Variants in CALN1 observed in about 807,000 individuals in gnomAD.
CALN1 encodes calcium-binding protein 8.
CALN1 carries 17 observed loss-of-function variants against 30.6 expected under a neutral mutation model. That is an observed-to-expected ratio of 0.56 (90% CI 0.38 to 0.83). The LOEUF is 0.83. Ranked by LOEUF, CALN1 falls within the 40% of genes least tolerant of loss-of-function variation. The pLI is 0.00. For missense variants in CALN1, 291 were observed against 354.9 expected (o/e 0.82, Z 1.45); for synonymous variants, 156 against 131.4 (o/e 1.19, Z -1.28).
At chr7:71,993,684 T>C (rs1799083959) in intron 5 of CALN1, among the ~76,000 whole-genome samples, 1 of 152,142 alleles carries the variant, frequency 6.6e-6, no homozygotes, top group African/African-American at 2.4e-5. Context: ...CTCGAACTCC[T>C]GGGCTCAAGT....
At chr7:72,101,208 C>T (rs1051992574) in intron 4 of CALN1, among the ~76,000 whole-genome samples, 3 of 152,074 alleles carry the variant, frequency 2.0e-5, no homozygotes, top group Non-Finnish European at 4.4e-5. Context: ...TCAGATGATC[C>T]GCCTGCCTCG....
At chr7:72,290,386 T>G (rs1189189919) in intron 2 of CALN1, among the ~76,000 whole-genome samples, 1 of 152,174 alleles carries the variant, frequency 6.6e-6, no homozygotes, top group African/African-American at 2.4e-5. Context: ...ATCACAGCTC[T>G]AGGGGACCAT....
intron 5 of CALN1, among the ~76,000 whole-genome samples, chr7:72,000,948 T>C (rs1223277271): frequency 2.0e-5 from 3 of 152,134 alleles, no homozygotes; most frequent in African/African-American, 7.2e-5. Flanking sequence ...GTTGTTAAGT[T>C]GTCTCTCTAA....
chr7:71,931,374 T>C (rs1418899863), intron 5 of CALN1, among the ~76,000 whole-genome samples: 1 of 152,160 alleles, frequency 6.6e-6, no homozygotes, highest in African/African-American at 2.4e-5. Context: ...CAAGTGATTC[T>C]CTTTGCCTCA....
the CALN1 span, among the ~76,000 whole-genome samples, chr7:72,452,737 T>A: frequency 6.6e-6 from 1 of 152,158 alleles, no homozygotes; most frequent in African/African-American, 2.4e-5. Context: ...GATAAGCTTA[T>A]CAGAATAGAA....
At chr7:71,900,365 A>C (rs1335647520) in intron 5 of CALN1, among the ~76,000 whole-genome samples, 3 of 152,222 alleles carry the variant, frequency 2.0e-5, no homozygotes, top group Admixed American at 6.5e-5. Flanking sequence ...GACAAAGTCA[A>C]ATTATCTCTG....
intron 3 of CALN1, among the ~76,000 whole-genome samples, chr7:72,212,264 G>C (rs1014289060): frequency 1.3e-5 from 2 of 149,814 alleles, no homozygotes; most frequent in African/African-American, 2.5e-5. Flanking sequence ...CAGGGGAATT[G>C]CCTGAACCCA....
intron 2 of CALN1, among the ~76,000 whole-genome samples, chr7:72,332,423 GT>G (rs1247045121): frequency 6.6e-6 from 1 of 152,072 alleles, no homozygotes; most frequent in Non-Finnish European, 1.5e-5. Context: ...CATGGCACAT[GT>G]GTGGGTGTGT....
At chr7:72,350,567 G>C (rs147888643) in intron 2 of CALN1, among the ~76,000 whole-genome samples, 1,680 of 152,224 alleles carry the variant, frequency 0.011, 23 homozygotes, top group Non-Finnish European at 0.019. Context: ...TTATAAGTGG[G>C]AGCTAAACAT....
intron 2 of CALN1, among the ~76,000 whole-genome samples, chr7:72,392,742 A>C (rs1805654979): frequency 6.6e-6 from 1 of 152,058 alleles, no homozygotes; most frequent in South Asian, 2.1e-4. Flanking sequence ...TTGGGAAGCC[A>C]AGGTGGGAGG....
intron 5 of CALN1, among the ~76,000 whole-genome samples, chr7:71,860,925 G>T (rs1265450920): frequency 6.6e-6 from 1 of 152,164 alleles, no homozygotes; most frequent in Non-Finnish European, 1.5e-5. Flanking sequence ...ATCCCACGGA[G>T]AACTCTCTGT....
intron 2 of CALN1, among the ~76,000 whole-genome samples, chr7:72,286,760 A>G (rs1477479747): frequency 6.6e-6 from 1 of 152,244 alleles, no homozygotes; most frequent in Non-Finnish European, 1.5e-5. Flanking sequence ...ACACTAACGT[A>G]GTGGTCTGTG....
rs1308255436 is a variant in CALN1, at chr7:72,124,646, T to A, written c.245-18352A>T. On this transcript the variant is annotated intron_variant, in intron 3 of 6. Coordinates refer to ENST00000395275, the MANE Select transcript of CALN1 (RefSeq NM_031468.4). The stretch of plus-strand genomic sequence containing the variant: ...TAACCTGGGAGACAGAGCAAGAACC[T>A]TTCTCTAAATAGTAATAATAATATA... Among the ~76,000 whole-genome samples the A allele has an allele frequency of 2.0e-5, 3 of 151,924 alleles. No homozygotes were observed. In the East Asian group the frequency reaches 5.8e-4, roughly 29 times the overall value.
intron 4 of CALN1, among the ~76,000 whole-genome samples, chr7:72,083,132 C>T (rs1584906439): frequency 1.3e-5 from 2 of 151,560 alleles, no homozygotes; most frequent in African/African-American, 4.9e-5. Flanking sequence ...GCCTGGGAGG[C>T]GGAGGATGCA....
chr7:72,122,683 GC>G (rs1167187901), intron 3 of CALN1, among the ~76,000 whole-genome samples: 1 of 152,136 alleles, frequency 6.6e-6, no homozygotes, highest in Non-Finnish European at 1.5e-5. Flanking sequence ...CTGTGATCAC[GC>G]CGCTGCACTC....
intron 5 of CALN1, among the ~76,000 whole-genome samples, chr7:72,007,587 T>G (rs573598347): frequency 6.6e-6 from 1 of 152,280 alleles, no homozygotes; most frequent in East Asian, 1.9e-4. Context: ...TAATATTATC[T>G]GAAATTTCCT....
At chr7:72,451,334 G>A (rs1585742857), upstream of CALN1, among the ~76,000 whole-genome samples, 7 of 141,838 alleles carry the variant, frequency 4.9e-5, 1 homozygote, top group African/African-American at 1.9e-4. Flanking sequence ...GAGAAAGAAA[G>A]AGGAGGAGGG....
At chr7:71,847,707 A>C (rs1790354290) in intron 5 of CALN1, among the ~76,000 whole-genome samples, 2 of 118,526 alleles carry the variant, frequency 1.7e-5, no homozygotes, top group Non-Finnish European at 3.2e-5. Context: ...AGAAGAAAGA[A>C]GAAAGAAGAA....
chr7:72,482,282 T>C, the CALN1 span, among the ~76,000 whole-genome samples: 7 of 152,310 alleles, frequency 4.6e-5, no homozygotes, highest in East Asian at 1.3e-3. Flanking sequence ...ATAGGCAATA[T>C]ATAAAGGGTT....
Sources: allele counts gnomAD v4.1 joint callset (sites outside exome capture counted in the v4.1 genomes callset), GRCh38; gene constraint gnomAD v4.1.1; transcripts MANE v1.5; gene names NCBI Gene and HGNC (gene_info 2026-07-23, HGNC 2026-07-21).